Variants in EFCAB6 observed in about 807,000 individuals in gnomAD.
The protein encoded by EFCAB6 is EF-hand calcium binding domain 6, also known as EF-hand calcium-binding domain-containing protein 6.
A neutral mutation model predicts 169.8 loss-of-function variants in EFCAB6; 156 were observed. The observed-to-expected ratio is 0.92, with a 90% CI of 0.81 to 1.05. The LOEUF is 1.05. Among genes scored for constraint, EFCAB6 ranks in the 50% least tolerant of loss-of-function variants. EFCAB6 has a pLI of 0.00. For missense variants in EFCAB6, 1,800 were observed against 1,829.1 expected (o/e 0.98, Z 0.29); for synonymous variants, 698 against 676.4 (o/e 1.03, Z -0.50).
intron 28 of EFCAB6, among the ~76,000 whole-genome samples, chr22:43,538,833 G>A (rs922003542): frequency 5.3e-5 from 8 of 152,032 alleles, no homozygotes; most frequent in Admixed American, 2.0e-4. Context: ...ACAGATTTCC[G>A]TGAATTTAGT....
intron 2 of EFCAB6, chr22:43,802,515 A>G: frequency 9.0e-6 from 3 of 332,492 alleles, no homozygotes; most frequent in South Asian, 7.8e-5. Context: ...TGGGTGACAG[A>G]GCAAGACTCT....
chr22:43,610,003 T>C (rs554369475), intron 21 of EFCAB6, among the ~76,000 whole-genome samples: 1 of 152,282 alleles, frequency 6.6e-6, no homozygotes, highest in South Asian at 2.1e-4. Flanking sequence ...GAAATGAGAC[T>C]GGGTCCCTGC....
In EFCAB6 at chr22:43,626,496, A is replaced by G; in HGVS notation, c.2416T>C (p.Cys806Arg). The change falls in exon 20 of 32, where the codon TGT (cysteine) becomes CGT (arginine). Residue 806 changes from cysteine (C) to arginine (R), a missense_variant. Physicochemically the swap from Cys to Arg is radical, Grantham distance 180. Coordinates refer to ENST00000262726, the MANE Select transcript of EFCAB6 (RefSeq NM_022785.4). ...TCTGTTCTCCATGGTCTCTTCTCAC[A>G]CAAATTTTGAAATTCCCGAAAATTT... ...TLNFREFQNL[C>R]EKRPWRTDEA... 1 of 1,614,176 alleles carries G rather than the reference A, an allele frequency of 6.2e-7. No homozygotes were observed. The highest frequency in any genetic ancestry group is 8.5e-7 in the Non-Finnish European group (1 of 1,180,046).
intron 2 of EFCAB6, among the ~76,000 whole-genome samples, chr22:43,792,370 T>G (rs1213407997): frequency 6.6e-6 from 1 of 152,164 alleles, no homozygotes. Flanking sequence ...GACAGGCAAG[T>G]GTGATACCAC....
intron 10 of EFCAB6, among the ~76,000 whole-genome samples, chr22:43,689,797 T>TA (rs2058338877): frequency 6.6e-6 from 1 of 152,212 alleles, no homozygotes; most frequent in African/African-American, 2.4e-5. Flanking sequence ...TAACAGGCCC[T>TA]AACAGGGAGG....
intron 17 of EFCAB6, among the ~76,000 whole-genome samples, chr22:43,645,570 A>C (rs891928002): frequency 2.0e-5 from 3 of 152,234 alleles, no homozygotes; most frequent in Non-Finnish European, 4.4e-5. Context: ...ACCATTTACT[A>C]TGGCTTTGTA....
intron 29 of EFCAB6, chr22:43,536,271 T>G (rs2147026136): frequency 6.6e-6 from 1 of 152,314 alleles, no homozygotes; most frequent in Admixed American, 6.5e-5. Flanking sequence ...ATTAAATCAA[T>G]GAACAACATT....
intron 17 of EFCAB6, among the ~76,000 whole-genome samples, chr22:43,649,822 T>C (rs916523634): frequency 6.6e-6 from 1 of 152,184 alleles, no homozygotes; most frequent in Admixed American, 6.5e-5. Flanking sequence ...TGGAAGAGAA[T>C]GAGCCATTTG....
At chr22:43,696,298 G>A (rs1032155405) in intron 10 of EFCAB6, among the ~76,000 whole-genome samples, 2 of 151,990 alleles carry the variant, frequency 1.3e-5, no homozygotes, top group African/African-American at 2.4e-5. Context: ...GATGGCAATA[G>A]CAAGTGTTGG....
chr22:43,689,510 T>A (rs2058329861), intron 10 of EFCAB6, among the ~76,000 whole-genome samples: 1 of 152,176 alleles, frequency 6.6e-6, no homozygotes, highest in Non-Finnish European at 1.5e-5. Context: ...GGGCTAGAGA[T>A]GCATCTGCCT....
chr22:43,696,890 T>C (rs2058595492), intron 10 of EFCAB6, among the ~76,000 whole-genome samples: 1 of 152,142 alleles, frequency 6.6e-6, no homozygotes, highest in African/African-American at 2.4e-5. Flanking sequence ...ACATAAACAA[T>C]TGCGAAACTC....
At chr22:43,635,055 G>A (rs56335524) in intron 18 of EFCAB6, 47 bp downstream of exon 18, 124,388 of 1,506,830 alleles carry the variant, frequency 0.083, 5,752 homozygotes, top group Non-Finnish European at 0.095. Flanking sequence ...GACATGCAGT[G>A]TCACCCAGGA....
chr22:43,723,322 G>T (rs552800413), intron 8 of EFCAB6, among the ~76,000 whole-genome samples: 30 of 152,298 alleles, frequency 2.0e-4, no homozygotes, highest in African/African-American at 6.5e-4. Flanking sequence ...GCCTACTAGA[G>T]GAGGAGAAAT....
At chr22:43,552,596 A>T (rs2048443888) in intron 27 of EFCAB6, 1 of 152,162 alleles carries the variant, frequency 6.6e-6, no homozygotes, top group Non-Finnish European at 1.5e-5. Flanking sequence ...TGTTGGCTGC[A>T]TGTAAGAGAC....
At position 43,628,322 on chromosome 22, in the gene EFCAB6, C is replaced by G. The variant is rs1309454456; in HGVS notation, c.2233-1643G>C. On this transcript the variant is annotated intron_variant, in intron 19 of 31. Transcript: ENST00000262726. The surrounding 1 kb of genome is among the most constrained non-coding windows in gnomAD (Gnocchi z 4.8). Reference sequence around the variant, plus strand: ...CCACATCCAGTCTGCCCACACATCCCGCTGGCTCTCCCTTCAGAGTGCATT... The same window carrying G: ...CCACATCCAGTCTGCCCACACATCCGGCTGGCTCTCCCTTCAGAGTGCATT... Among the ~76,000 whole-genome samples the G allele has an allele frequency of 1.3e-5, 2 of 152,110 alleles. No individual in the cohort carries two copies. The highest frequency in any genetic ancestry group is 4.8e-5 in the African/African-American group (2 of 41,410).
At chr22:43,796,180 T>C (rs967386999) in intron 2 of EFCAB6, among the ~76,000 whole-genome samples, 5 of 152,120 alleles carry the variant, frequency 3.3e-5, no homozygotes, top group Non-Finnish European at 4.4e-5. Context: ...ATCCCTCTAC[T>C]GAGAACTGGT....
intron 8 of EFCAB6, among the ~76,000 whole-genome samples, chr22:43,731,166 G>A (rs550147437): frequency 3.2e-4 from 48 of 152,270 alleles, no homozygotes; most frequent in African/African-American, 9.6e-4. Flanking sequence ...CCTGGGCGTC[G>A]TATGGAGGAG....
intron 19 of EFCAB6, among the ~76,000 whole-genome samples, chr22:43,629,316 G>A (rs1350990299): frequency 1.3e-5 from 2 of 152,312 alleles, no homozygotes; most frequent in Non-Finnish European, 2.9e-5. Context: ...AGTTCCTGAC[G>A]GTGCCATGTA....
At chr22:43,652,014 G>T (rs553463812) in intron 17 of EFCAB6, among the ~76,000 whole-genome samples, 62 of 152,298 alleles carry the variant, frequency 4.1e-4, no homozygotes, top group Middle Eastern at 3.4e-3. Flanking sequence ...TTGGACTATG[G>T]ACTTTTGAGT....
Sources: gnomAD v4.1 joint callset for allele counts (sites outside exome capture counted in the v4.1 genomes callset) on GRCh38, gnomAD v4.1.1 for gene constraint, Gnocchi (gnomAD v3.1) non-coding constraint, MANE v1.5 for transcripts, NCBI Gene and HGNC (gene_info 2026-07-23, HGNC 2026-07-21) for gene names.